Variants in L3MBTL4 observed in about 807,000 individuals in gnomAD.
L3MBTL4 encodes the protein L3MBTL histone methyl-lysine binding protein 4.
Under a neutral mutation model 84.5 loss-of-function variants are expected in L3MBTL4, and 70 were observed. That is an observed-to-expected ratio of 0.83 (90% CI 0.68 to 1.01). The LOEUF is 1.01. Ranked by LOEUF, L3MBTL4 falls within the 50% of genes least tolerant of loss-of-function variation. The pLI, the probability that L3MBTL4 is intolerant of heterozygous loss-of-function variation, is 0.00. For synonymous variants in L3MBTL4, 274 were observed against 259.8 expected, an observed-to-expected ratio of 1.05 and a Z score of -0.52; for missense variants, 715 against 754.8, an observed-to-expected ratio of 0.95 and a Z score of 0.62.
rs141909272 is a variant in L3MBTL4 at position 6,308,731 on chromosome 18, A to G, written c.72+2823T>C. ...TGTATGTATGTGTATATGTGCATAAAAGGTTTGGAATTTTTAGCTGTCTTT... is the reference window on the plus strand; with the variant it reads ...TGTATGTATGTGTATATGTGCATAAGAGGTTTGGAATTTTTAGCTGTCTTT... On this transcript the variant is annotated intron_variant, in intron 3 of 18. Coordinates refer to ENST00000317931, the MANE Select transcript of L3MBTL4 (RefSeq NM_001330559.2). Among the ~76,000 whole-genome samples the G allele has an allele frequency of 1.9e-4, 29 of 152,302 alleles. No individual in the cohort carries two copies. In the East Asian group the frequency reaches 5.0e-3, roughly 26 times the overall value.
intron 16 of L3MBTL4, among the ~76,000 whole-genome samples, chr18:6,070,784 G>C (rs1054058168): frequency 1.1e-4 from 17 of 152,148 alleles, no homozygotes; most frequent in African/African-American, 4.1e-4. Context: ...GCTGCATTGA[G>C]CTGTGATCGC....
Position 6,166,910 on chromosome 18 carries a change from C to A in L3MBTL4, c.1096+4918G>T, listed in dbSNP as rs377524490. ...GGAGCTGGATTTTTGAAAAGATCAACAAAATTGATAGACCGCTAGCAAGAC... is the reference window on the plus strand; with the variant it reads ...GGAGCTGGATTTTTGAAAAGATCAAAAAAATTGATAGACCGCTAGCAAGAC... On this transcript the variant is annotated intron_variant, in intron 13 of 18. Coordinates refer to ENST00000317931, the MANE Select transcript of L3MBTL4 (RefSeq NM_001330559.2). Among the ~76,000 whole-genome samples the A allele has an allele frequency of 8.7e-4, 133 of 152,074 alleles. No individual in the cohort carries two copies. In the South Asian group the frequency reaches 0.013, roughly 15 times the overall value.
At chr18:6,037,239 G>T (rs532816060) in intron 16 of L3MBTL4, among the ~76,000 whole-genome samples, 4 of 152,328 alleles carry the variant, frequency 2.6e-5, no homozygotes, top group Admixed American at 1.3e-4. Flanking sequence ...CTGCCACAGG[G>T]GTGGGAGTGT....
chr18:6,275,303 T>A (rs1280739518), intron 4 of L3MBTL4, among the ~76,000 whole-genome samples: 1 of 152,146 alleles, frequency 6.6e-6, no homozygotes, highest in East Asian at 1.9e-4. Flanking sequence ...GGAAATGCTT[T>A]CAAGTAGAGA....
chr18:6,223,334 G>T (rs2046639867), intron 10 of L3MBTL4, among the ~76,000 whole-genome samples: 1 of 152,088 alleles, frequency 6.6e-6, no homozygotes, highest in African/African-American at 2.4e-5. Context: ...ATTTTTAAAT[G>T]AATGTTTAAC....
At chr18:6,413,809 C>G (rs1170169201) in intron 1 of L3MBTL4, among the ~76,000 whole-genome samples, 1 of 152,220 alleles carries the variant, frequency 6.6e-6, no homozygotes, top group Non-Finnish European at 1.5e-5. Flanking sequence ...GCAGTCTCAA[C>G]AGTAACAATG....
At chr18:6,201,345 T>A (rs1239974310) in intron 12 of L3MBTL4, among the ~76,000 whole-genome samples, 1 of 152,138 alleles carries the variant, frequency 6.6e-6, no homozygotes, top group Non-Finnish European at 1.5e-5. Context: ...AATTTTACCA[T>A]GAGTTTCTCC....
At chr18:5,963,701 TC>T (rs1408415132) in intron 17 of L3MBTL4, among the ~76,000 whole-genome samples, 6 of 152,242 alleles carry the variant, frequency 3.9e-5, no homozygotes. Flanking sequence ...GGTAATTACT[TC>T]CCCTACAAAT....
intron 12 of L3MBTL4, among the ~76,000 whole-genome samples, chr18:6,197,496 C>A (rs189680073): frequency 1.3e-3 from 203 of 152,298 alleles, no homozygotes; most frequent in Non-Finnish European, 2.2e-3. Context: ...ACCACATTTT[C>A]TTTTTCCAGT....
At chr18:6,335,647 A>T (rs1364201588) in intron 1 of L3MBTL4, among the ~76,000 whole-genome samples, 2 of 152,240 alleles carry the variant, frequency 1.3e-5, no homozygotes, top group Non-Finnish European at 2.9e-5. Context: ...ATGTCAAGGG[A>T]GGGACCTGGT....
intron 16 of L3MBTL4, among the ~76,000 whole-genome samples, chr18:6,012,902 C>T (rs769780262): frequency 2.0e-5 from 3 of 152,226 alleles, no homozygotes; most frequent in Middle Eastern, 3.4e-3. Context: ...GTCTCTCGTT[C>T]CATCTCTAAT....
At chr18:5,958,062 GAGAAGA>G (rs563678931) in intron 18 of L3MBTL4, among the ~76,000 whole-genome samples, 3,654 of 93,032 alleles carry the variant, frequency 0.039, 121 homozygotes, top group Middle Eastern at 0.082. Context: ...GAAGGAGAAG[GAGAAGA>G]AGAAGAAGAA....
chr18:6,373,417 T>C (rs1227197293), intron 1 of L3MBTL4, among the ~76,000 whole-genome samples: 1 of 152,072 alleles, frequency 6.6e-6, no homozygotes, highest in Non-Finnish European at 1.5e-5. Flanking sequence ...AGACCAACAC[T>C]CCACTAGACG....
intron 13 of L3MBTL4, among the ~76,000 whole-genome samples, chr18:6,155,605 G>C (rs2043069729): frequency 6.6e-6 from 1 of 152,154 alleles, no homozygotes; most frequent in Non-Finnish European, 1.5e-5. Flanking sequence ...TTACTGCTTT[G>C]CTAAGGAAAA....
chr18:6,164,723 A>G (rs1043139629), intron 13 of L3MBTL4, among the ~76,000 whole-genome samples: 2 of 152,220 alleles, frequency 1.3e-5, no homozygotes, highest in African/African-American at 4.8e-5. Flanking sequence ...AACCACAAAG[A>G]TGGGTAAAAA....
chr18:6,325,774 T>A (rs1159904920), intron 1 of L3MBTL4, among the ~76,000 whole-genome samples: 1 of 152,206 alleles, frequency 6.6e-6, no homozygotes, highest in African/African-American at 2.4e-5. Context: ...CTTGTATAAA[T>A]ACAATATTAT....
intron 15 of L3MBTL4, among the ~76,000 whole-genome samples, chr18:6,084,639 TG>T (rs1159202857): frequency 6.6e-6 from 1 of 152,186 alleles, no homozygotes; most frequent in African/African-American, 2.4e-5. Context: ...TCTGCAGAGA[TG>T]GTTTCTGCCA....
intron 13 of L3MBTL4, among the ~76,000 whole-genome samples, chr18:6,149,628 A>T (rs2042805617): frequency 6.6e-6 from 1 of 152,124 alleles, no homozygotes; most frequent in Non-Finnish European, 1.5e-5. Context: ...CGCCACACTG[A>T]CTTCCACAAT....
intron 1 of L3MBTL4, among the ~76,000 whole-genome samples, chr18:6,400,983 C>G (rs984542023): frequency 6.6e-6 from 1 of 152,198 alleles, no homozygotes; most frequent in Non-Finnish European, 1.5e-5. Context: ...TCAATGTACA[C>G]TCCTAGAGCA....
Sources: allele counts gnomAD v4.1 joint callset (sites outside exome capture counted in the v4.1 genomes callset), GRCh38; gene constraint gnomAD v4.1.1; transcripts MANE v1.5; gene names NCBI Gene and HGNC (gene_info 2026-07-23, HGNC 2026-07-21).